Variants in DIABLO observed in about 807,000 individuals in gnomAD.
DIABLO encodes diablo IAP-binding mitochondrial protein.
In DIABLO, 32 loss-of-function variants were observed where a neutral mutation model predicts 31.7. That is an observed-to-expected ratio of 1.01 (90% CI 0.76 to 1.35). DIABLO has a LOEUF of 1.35. Ranked by LOEUF, DIABLO falls within the 40% of genes most tolerant of loss-of-function variation. The pLI, the probability that DIABLO is intolerant of heterozygous loss-of-function variation, is 0.00. For synonymous variants in DIABLO, 132 were observed against 103.2 expected, an observed-to-expected ratio of 1.28 and a Z score of -1.69; for missense variants, 316 against 286.4, an observed-to-expected ratio of 1.10 and a Z score of -0.75.
intron 3 of DIABLO, 21 bp from the exon 4 acceptor site, chr12:122,216,890 A>C (rs776621955): frequency 1.2e-5 from 19 of 1,587,116 alleles, no homozygotes; most frequent in African/African-American, 1.4e-5. Flanking sequence ...AGAATGAACA[A>C]GTCTGAGTAA....
Position 122,211,479 on chromosome 12 carries a change from C to T in DIABLO, c.524-2902G>A, listed in dbSNP as rs1473221796. Among the ~76,000 whole-genome samples, 11 of 151,568 alleles carry T rather than the reference C, an allele frequency of 7.3e-5. No homozygotes were observed. The South Asian group carries it at 1.5e-3, about 20-fold the overall frequency. Reference sequence around the variant, plus strand: ...ATCCTAGCACTCTGGCAGGCCAAGACGGGAGGATCACTTGAGCCCATGAGT... The same window carrying T: ...ATCCTAGCACTCTGGCAGGCCAAGATGGGAGGATCACTTGAGCCCATGAGT... On this transcript the variant is annotated intron_variant, in intron 5 of 5. Coordinates refer to ENST00000464942, the MANE Select transcript of DIABLO (RefSeq NM_001371333.1).
rs749139648 is a variant in DIABLO at position 122,225,994 on chromosome 12, C to G, written c.21G>C (p.Trp7Cys). Reference protein sequence around the residue: MAALKSWLSRSVTSFFR... With the variant: MAALKSCLSRSVTSFFR... ...AGAATGAAGTTACGCTGCGCGACAGCCAACTCTTCAGAGCCGCCATTGTGC... is the reference window on the plus strand; with the variant it reads ...AGAATGAAGTTACGCTGCGCGACAGGCAACTCTTCAGAGCCGCCATTGTGC... Residue 7 changes from tryptophan to cysteine, a missense_variant, in exon 1 of 6, where the codon TGG becomes TGC. Coordinates refer to ENST00000464942, the MANE Select transcript of DIABLO (RefSeq NM_001371333.1). 1 of 1,603,442 alleles carries G rather than the reference C, an allele frequency of 6.2e-7. No individual in the cohort carries two copies. Among genetic ancestry groups the G allele is most frequent in the Non-Finnish European group, 8.5e-7 (1 of 1,175,848 alleles).
chr12:122,224,370 A>T, intron 2 of DIABLO, 142 bp downstream of exon 2: 1 of 1,229,622 alleles, frequency 8.1e-7, no homozygotes, highest in Non-Finnish European at 1.2e-6. Flanking sequence ...TATCTGCTCA[A>T]CTGTGAAAAG....
At chr12:122,223,087 G>C (rs1052279891) in intron 2 of DIABLO, among the ~76,000 whole-genome samples, 4 of 151,878 alleles carry the variant, frequency 2.6e-5, no homozygotes, top group African/African-American at 4.8e-5. Context: ...GTTCCACACA[G>C]CAACCTTTTA....
In DIABLO at chr12:122,224,871, G is replaced by A. The variant is rs781506500; in HGVS notation, c.51-227C>T. The A allele has an allele frequency of 2.2e-5, 32 of 1,441,618 alleles. No homozygotes were observed. The African/African-American group carries it at 4.5e-4, about 20-fold the overall frequency. The allele number at this position is 1,441,618 out of a possible 1,614,324, so 89.3% of individuals were successfully genotyped here. A position where few individuals can be genotyped will look rare whatever the true frequency, so the allele number is the denominator to read the frequency against. Reference sequence around the variant, plus strand: ...GTAATCCTAGCACTTGGAAGGCCAAGGGCAAGGCGGGAGGATCACTTGAGC... The same window carrying A: ...GTAATCCTAGCACTTGGAAGGCCAAAGGCAAGGCGGGAGGATCACTTGAGC... On this transcript the variant is annotated intron_variant, in intron 1 of 5. Coordinates refer to ENST00000464942, the MANE Select transcript of DIABLO (RefSeq NM_001371333.1).
chr12:122,218,626 A>G (rs1954267322), intron 2 of DIABLO: 1 of 548,302 alleles, frequency 1.8e-6, no homozygotes, highest in Non-Finnish European at 3.2e-6. Flanking sequence ...TGCTCCAAAA[A>G]GCAAATTATT....
At chr12:122,217,901 G>T (rs1275926947) in intron 3 of DIABLO, 3 of 267,502 alleles carry the variant, frequency 1.1e-5, no homozygotes, top group Non-Finnish European at 2.2e-5. Context: ...TGGACCACAG[G>T]CCCCTGTGCC....
At chr12:122,208,701 C>T (rs1450620074) in intron 5 of DIABLO, 124 bp from the exon 6 acceptor site, 1 of 911,430 alleles carries the variant, frequency 1.1e-6, no homozygotes, top group Admixed American at 2.0e-5. Flanking sequence ...TCCTTGACCT[C>T]CCTGTCTTCT....
upstream of DIABLO, chr12:122,226,507 C>A: frequency 1.4e-6 from 1 of 699,070 alleles, no homozygotes; most frequent in South Asian, 1.5e-5. Context: ...CTGAGGAGCA[C>A]GAAGGCGAGC....
At chr12:122,216,638 A>C in intron 4 of DIABLO, 54 bp from the exon 5 acceptor site, 5 of 1,578,864 alleles carry the variant, frequency 3.2e-6, no homozygotes, top group Non-Finnish European at 4.4e-6. Flanking sequence ...AGCCCATTTA[A>C]ATGGACTTAA....
rs765129825 is a variant in DIABLO, at chr12:122,224,712, C to CA, written c.51-69dup. 1.5e-3 allele frequency: 2,438 copies of CA among 1,613,498 alleles called. 5 individuals carry two copies. The highest frequency in any genetic ancestry group is 2.0e-3 in the Non-Finnish European group (2,302 of 1,179,724). ...TGTAACAGGCTCTTGGATTTACTTG[C>CA]AGGGGCTGTAAACTCAAACTCGAGC... On this transcript the variant is annotated intron_variant, in intron 1 of 5. Transcript: ENST00000464942.
At chr12:122,222,813 ACTG>A (rs1954364201) in intron 2 of DIABLO, among the ~76,000 whole-genome samples, 1 of 152,116 alleles carries the variant, frequency 6.6e-6, no homozygotes, top group Non-Finnish European at 1.5e-5. Context: ...ATCCCATGCC[ACTG>A]CTGATCTGCC....
At chr12:122,209,501 TAA>T (rs1295212114) in intron 5 of DIABLO, among the ~76,000 whole-genome samples, 4 of 152,092 alleles carry the variant, frequency 2.6e-5, no homozygotes, top group Non-Finnish European at 5.9e-5. Context: ...CCGTTTCTAC[TAA>T]AATACAAAAA....
At chr12:122,223,297 C>A (rs1007711047) in intron 2 of DIABLO, among the ~76,000 whole-genome samples, 4 of 151,656 alleles carry the variant, frequency 2.6e-5, no homozygotes, top group Admixed American at 2.0e-4. Flanking sequence ...TAGCTGGGTG[C>A]GGTGGCACAC....
At chr12:122,225,886 C>T in intron 1 of DIABLO, 79 bp downstream of exon 1, 1 of 1,544,300 alleles carries the variant, frequency 6.5e-7, no homozygotes, top group South Asian at 1.2e-5. Flanking sequence ...GGAAGGCGGG[C>T]GCCGTGGGCC....
chr12:122,226,182 A>C, upstream of DIABLO: 1 of 1,093,372 alleles, frequency 9.1e-7, no homozygotes, highest in Non-Finnish European at 1.3e-6. Flanking sequence ...GGCTTAGGGC[A>C]AAGGCTGTAA....
At chr12:122,219,017 G>C (rs1227930502) in intron 2 of DIABLO, among the ~76,000 whole-genome samples, 1 of 148,240 alleles carries the variant, frequency 6.7e-6, no homozygotes, top group Non-Finnish European at 1.5e-5. Context: ...GGCAGATCAC[G>C]AGGTCAGGAG....
intron 3 of DIABLO, among the ~76,000 whole-genome samples, chr12:122,218,041 G>A (rs1192317174): frequency 6.6e-6 from 1 of 151,658 alleles, no homozygotes; most frequent in Non-Finnish European, 1.5e-5. Flanking sequence ...TCAGGGCTCA[G>A]CAAACTTTTT....
intron 2 of DIABLO, chr12:122,222,438 T>G (rs1217515320): frequency 6.6e-6 from 1 of 152,024 alleles, no homozygotes; most frequent in Admixed American, 6.6e-5. Flanking sequence ...CTGTCCCTAC[T>G]ACAAATACAA....
Sources: gnomAD v4.1 joint callset for allele counts (sites outside exome capture counted in the v4.1 genomes callset) on GRCh38, gnomAD v4.1.1 for gene constraint, MANE v1.5 for transcripts, NCBI Gene and HGNC (gene_info 2026-07-23, HGNC 2026-07-21) for gene names.